The following KCNK13 variants were observed in gnomAD, a reference collection of about 807,000 sequenced individuals.
KCNK13 encodes potassium two pore domain channel subfamily K member 13.
In KCNK13, 12 loss-of-function variants were observed where a neutral mutation model predicts 23.4. The ratio of observed to expected loss-of-function variants is 0.51; its 90% CI spans 0.33 to 0.83. The LOEUF (loss-of-function observed/expected upper bound fraction) is 0.83. Ranked by LOEUF, KCNK13 falls within the 40% of genes least tolerant of loss-of-function variation. KCNK13 has a pLI of 0.02. For synonymous variants in KCNK13, 231 were observed against 229.5 expected, an observed-to-expected ratio of 1.01 and a Z score of -0.06; for missense variants, 463 against 556.3, an observed-to-expected ratio of 0.83 and a Z score of 1.69.
At chr14:90,073,744 C>T (rs1889104086) in intron 1 of KCNK13, among the ~76,000 whole-genome samples, 1 of 152,200 alleles carries the variant, frequency 6.6e-6, no homozygotes, top group Non-Finnish European at 1.5e-5. Flanking sequence ...GATCTCGGCT[C>T]ACTGCAACCT....
intron 1 of KCNK13, among the ~76,000 whole-genome samples, chr14:90,167,315 C>G (rs1890314929): frequency 6.6e-6 from 1 of 152,178 alleles, no homozygotes; most frequent in Non-Finnish European, 1.5e-5. Flanking sequence ...CAAAGACGAT[C>G]TATTTTCATT....
chr14:90,066,901 C>G (rs921536900), intron 1 of KCNK13, among the ~76,000 whole-genome samples: 1 of 152,138 alleles, frequency 6.6e-6, no homozygotes, highest in Admixed American at 6.5e-5. Flanking sequence ...CCAAACAACC[C>G]AAGTGCCCAT....
At chr14:90,145,350 T>C (rs955154791) in intron 1 of KCNK13, among the ~76,000 whole-genome samples, 4 of 151,986 alleles carry the variant, frequency 2.6e-5, no homozygotes, top group African/African-American at 9.7e-5. Flanking sequence ...CTGAGATCAC[T>C]CCACTGTACC....
At chr14:90,178,415 C>G (rs544739819) in intron 1 of KCNK13, among the ~76,000 whole-genome samples, 1 of 151,980 alleles carries the variant, frequency 6.6e-6, no homozygotes, top group East Asian at 1.9e-4. Context: ...CCTCAGCCTC[C>G]GGAGTAGCTG....
At chr14:90,138,256 T>A (rs1596794484) in intron 1 of KCNK13, among the ~76,000 whole-genome samples, 1 of 152,194 alleles carries the variant, frequency 6.6e-6, no homozygotes, top group African/African-American at 2.4e-5. Flanking sequence ...AAGTATAAAG[T>A]CCTATTGCAA....
rs147290037 is a variant in KCNK13 at position 90,152,273 on chromosome 14, C to T, written c.335-31838C>T. Among the ~76,000 whole-genome samples, 137 of 152,296 alleles carry T rather than the reference C, an allele frequency of 9.0e-4. 1 individual carries two copies. The highest frequency in any genetic ancestry group is 3.2e-3 in the African/African-American group (132 of 41,558). On this transcript the variant is annotated intron_variant, in intron 1 of 1. Transcript: ENST00000282146. ...CCTTTGCGGCCGGTGCAGTGGCTCA[C>T]GCCTGTAATCCCAGCACTTTGGGAG... is the stretch of plus-strand genomic sequence containing the variant.
At chr14:90,114,856 T>G (rs2140414366) in intron 1 of KCNK13, among the ~76,000 whole-genome samples, 1 of 152,336 alleles carries the variant, frequency 6.6e-6, no homozygotes, top group East Asian at 1.9e-4. Context: ...GCATTGCCAG[T>G]GCTCACCAGG....
At chr14:90,164,233 C>T (rs1890279545) in intron 1 of KCNK13, among the ~76,000 whole-genome samples, 1 of 152,192 alleles carries the variant, frequency 6.6e-6, no homozygotes, top group African/African-American at 2.4e-5. Flanking sequence ...TGTCACAATG[C>T]TTTTAAAGAA....
intron 1 of KCNK13, among the ~76,000 whole-genome samples, chr14:90,164,247 A>G (rs1890279626): frequency 6.6e-6 from 1 of 152,216 alleles, no homozygotes; most frequent in Non-Finnish European, 1.5e-5. Flanking sequence ...TAAAGAATGG[A>G]TCTATACTGG....
chr14:90,117,696 AG>A (rs1214447086), intron 1 of KCNK13, among the ~76,000 whole-genome samples: 1 of 152,212 alleles, frequency 6.6e-6, no homozygotes, highest in African/African-American at 2.4e-5. Flanking sequence ...ACCTTACGTA[AG>A]GGGGGACCAC....
intron 1 of KCNK13, among the ~76,000 whole-genome samples, chr14:90,176,969 A>C (rs556855136): frequency 6.6e-6 from 1 of 152,282 alleles, no homozygotes; most frequent in East Asian, 1.9e-4. Flanking sequence ...GCAGTGAGCC[A>C]AGATCACACC....
intron 1 of KCNK13, among the ~76,000 whole-genome samples, chr14:90,142,616 C>A (rs901522584): frequency 2.0e-5 from 3 of 152,128 alleles, no homozygotes; most frequent in African/African-American, 7.2e-5. Flanking sequence ...TTCTGCTCAG[C>A]CTTGGCTGTC....
rs1270503390 is a variant in KCNK13, at chr14:90,062,325, G to A, written c.120G>A (p.Ala40=). The A allele has an allele frequency of 6.4e-7, 1 of 1,553,902 alleles. No individual in the cohort carries two copies. Among genetic ancestry groups the A allele is most frequent in the South Asian group, 1.2e-5 (1 of 84,718 alleles). Reference sequence around the variant, plus strand: ...TGGGCGGCGCCGCCGTCTTCTCCGCGCTGGAGCTGGCGCACGAGCGCCAGG... The same window carrying A: ...TGGGCGGCGCCGCCGTCTTCTCCGCACTGGAGCTGGCGCACGAGCGCCAGG... ...YLLGGAAVFS[A]LELAHERQAK... is the part of the protein sequence containing the mutation. The change falls in exon 1 of 2, where the codon GCG becomes GCA. Residue 40 remains alanine (A), a synonymous_variant. Coordinates refer to ENST00000282146, the MANE Select transcript of KCNK13 (RefSeq NM_022054.4). The surrounding 1 kb of genome is among the most constrained non-coding windows in gnomAD (Gnocchi z 4.5).
At chr14:90,152,235 C>G (rs1318536970) in intron 1 of KCNK13, among the ~76,000 whole-genome samples, 1 of 152,164 alleles carries the variant, frequency 6.6e-6, no homozygotes, top group Non-Finnish European at 1.5e-5. Context: ...TGCCCGCTAC[C>G]ATGTAAGACA....
intron 1 of KCNK13, among the ~76,000 whole-genome samples, chr14:90,084,275 A>C (rs1889246583): frequency 6.6e-6 from 1 of 152,208 alleles, no homozygotes; most frequent in Non-Finnish European, 1.5e-5. Flanking sequence ...CAATCTATGA[A>C]CATGGGATGT....
intron 1 of KCNK13, among the ~76,000 whole-genome samples, chr14:90,146,374 G>A (rs1890073497): frequency 6.6e-6 from 1 of 152,156 alleles, no homozygotes; most frequent in African/African-American, 2.4e-5. Context: ...GGAGTGCAGT[G>A]GTACAATCTT....
chr14:90,153,714 TC>T (rs2140434710), intron 1 of KCNK13, among the ~76,000 whole-genome samples: 1 of 152,284 alleles, frequency 6.6e-6, no homozygotes, highest in African/African-American at 2.4e-5. Flanking sequence ...TGAAAAGGGA[TC>T]ATGAGAAGAA....
At chr14:90,123,817 T>C (rs530691527) in intron 1 of KCNK13, among the ~76,000 whole-genome samples, 9 of 152,262 alleles carry the variant, frequency 5.9e-5, no homozygotes, top group African/African-American at 1.9e-4. Context: ...AAAATTTCTG[T>C]AGAGATGCGG....
rs138159678 is a variant in KCNK13, at chr14:90,171,155, A to G, written c.335-12956A>G. The stretch of plus-strand genomic sequence containing the variant: ...ACAGCTCATTTCCAGCTAGGTGAGA[A>G]AGGAGACAGACCTGCTGAGCCCCTC... On this transcript the variant is annotated intron_variant, in intron 1 of 1. Coordinates refer to ENST00000282146, the MANE Select transcript of KCNK13 (RefSeq NM_022054.4). 6.3e-3 allele frequency among the ~76,000 whole-genome samples: 965 copies of G among 152,324 alleles called. 7 individuals carry two copies. The highest frequency in any genetic ancestry group is 0.022 in the African/African-American group (931 of 41,570).
Sources: allele counts gnomAD v4.1 joint callset (sites outside exome capture counted in the v4.1 genomes callset), GRCh38; gene constraint gnomAD v4.1.1; non-coding constraint Gnocchi (gnomAD v3.1); transcripts MANE v1.5; gene names NCBI Gene and HGNC (gene_info 2026-07-23, HGNC 2026-07-21).